SEMA5B: variants seen among roughly 807,000 people sequenced by gnomAD.
SEMA5B encodes the protein semaphorin 5B, also known as semaphorin-5B.
In SEMA5B, 66 loss-of-function variants were observed where a neutral mutation model predicts 135.0. That is an observed-to-expected ratio of 0.49 (90% CI 0.40 to 0.60). The LOEUF is 0.60. Ranked by LOEUF, SEMA5B falls within the 20% of genes least tolerant of loss-of-function variation. The pLI, the probability that SEMA5B is intolerant of heterozygous loss-of-function variation, is 0.00. For missense variants in SEMA5B, 1,501 were observed against 1,566.3 expected (o/e 0.96, Z 0.70); for synonymous variants, 690 against 639.5 (o/e 1.08, Z -1.19).
chr3:123,023,145 T>C (rs1362615216), intron 1 of SEMA5B, among the ~76,000 whole-genome samples: 1 of 152,218 alleles, frequency 6.6e-6, no homozygotes. Flanking sequence ...AGGGCTCAAT[T>C]CTGTCAATTC....
At chr3:123,028,371 GCAAACT>G (rs925654090), upstream of SEMA5B, 10 of 152,352 alleles carry the variant, frequency 6.6e-5, no homozygotes, top group African/African-American at 2.4e-4. Flanking sequence ...GGTTAACCTT[GCAAACT>G]GTACGATACC....
rs748464115 is a variant in SEMA5B at position 122,910,181 on chromosome 3, CG to C, written c.3417del (p.Glu1140ArgfsTer68). Reference sequence around the variant, plus strand: ...AAGCACCGTTGTCCAGGTGAGGCCTCGGGCCGGAAGCTGTGTTTGTTCAGGG... The same window carrying C: ...AAGCACCGTTGTCCAGGTGAGGCCTCGGCCGGAAGCTGTGTTTGTTCAGGG... ...PSPLNKHSFRPEASPGQRCFP... is the reference protein window; with the variant it reads ...PSPLNKHSFRXEASPGQRCFP... On this transcript the variant is annotated frameshift_variant, in exon 23 of 23. Transcript: ENST00000357599. LOFTEE classifies it high-confidence loss of function. 6.2e-7 allele frequency: 1 copy of C among 1,614,172 alleles called. No homozygotes were observed. Among genetic ancestry groups the C allele is most frequent in the Admixed American group, 1.7e-5 (1 of 60,020 alleles).
At chr3:122,963,126 C>T (rs1940659373) in intron 1 of SEMA5B, among the ~76,000 whole-genome samples, 1 of 152,192 alleles carries the variant, frequency 6.6e-6, no homozygotes, top group Non-Finnish European at 1.5e-5. Flanking sequence ...TATTGCTTAC[C>T]TAGCAGGTCA....
rs529753356 is a variant in SEMA5B, at chr3:122,989,008, G to T, written c.-38-27707C>A. Among the ~76,000 whole-genome samples, 4 of 152,380 alleles carry T rather than the reference G, an allele frequency of 2.6e-5. No homozygotes were observed. In the East Asian group the frequency reaches 7.7e-4, roughly 29 times the overall value. Reference sequence around the variant, plus strand: ...TAATCCCACCTGCTGGGGAGGGCCAGTGGGGCTTCTGTTGCTAATTGGCAC... The same window carrying T: ...TAATCCCACCTGCTGGGGAGGGCCATTGGGGCTTCTGTTGCTAATTGGCAC... On this transcript the variant is annotated intron_variant, in intron 1 of 22. Coordinates refer to ENST00000357599, the MANE Select transcript of SEMA5B (RefSeq NM_001031702.4).
At chr3:122,951,892 C>T (rs1385121165) in intron 2 of SEMA5B, among the ~76,000 whole-genome samples, 1 of 152,212 alleles carries the variant, frequency 6.6e-6, no homozygotes, top group Non-Finnish European at 1.5e-5. Context: ...TGGAAAATTA[C>T]AGTAGGATTA....
At chr3:123,016,218 CCT>C (rs1942551943) in intron 1 of SEMA5B, among the ~76,000 whole-genome samples, 1 of 152,184 alleles carries the variant, frequency 6.6e-6, no homozygotes, top group Admixed American at 6.5e-5. Context: ...TACACCCAGA[CCT>C]CTCTTTGAGG....
At position 122,927,887 on chromosome 3, in the gene SEMA5B, C is replaced by A. The variant is rs2276775; in HGVS notation, c.753G>T (p.Thr251=). 3 of 1,595,200 alleles carry A rather than the reference C, an allele frequency of 1.9e-6. No individual in the cohort carries two copies. Among genetic ancestry groups the A allele is most frequent in the Admixed American group, 1.7e-5 (1 of 57,888 alleles). Residue 251 remains threonine, a synonymous_variant, in exon 8 of 23, where the codon ACG becomes ACT. Transcript: ENST00000357599. The part of the protein sequence containing the change: ...ISSQGELYAA[T]VIDFSGRDPA... ...GGTCCCGACCTGAGAAGTCGATGAC[C>A]GTGGCTGCATAGAGCTCCCCCTGGG...
At chr3:122,911,676 C>G in intron 20 of SEMA5B, 141 bp from the exon 21 acceptor site, 1 of 1,001,008 alleles carries the variant, frequency 1.0e-6, no homozygotes, top group South Asian at 1.7e-5. Flanking sequence ...TCATTCCCCT[C>G]CCTCTCTCCT....
At chr3:122,972,885 G>T (rs1044983926) in intron 1 of SEMA5B, among the ~76,000 whole-genome samples, 2 of 152,150 alleles carry the variant, frequency 1.3e-5, no homozygotes, top group Non-Finnish European at 2.9e-5. Flanking sequence ...GTTAGCCCAG[G>T]TCTGCCTTCC....
chr3:122,988,101 G>A (rs1386622968), intron 1 of SEMA5B, among the ~76,000 whole-genome samples: 3 of 152,226 alleles, frequency 2.0e-5, no homozygotes, highest in African/African-American at 7.2e-5. Flanking sequence ...CCCAGCCACA[G>A]AGATCCTGAT....
chr3:122,922,382 C>G lies in SEMA5B; in HGVS notation c.1338G>C (p.Gln446His), dbSNP rs553154567. 2 of 1,612,252 alleles carry G rather than the reference C, an allele frequency of 1.2e-6. No homozygotes were observed. The highest frequency in any genetic ancestry group is 2.2e-5 in the South Asian group (2 of 90,664). The change falls in exon 11 of 23, where the codon CAG (glutamine) becomes CAC (histidine). Residue 446 changes from glutamine to histidine, a missense_variant. Physicochemically the swap from Gln to His is conservative, Grantham distance 24. Coordinates refer to ENST00000357599, the MANE Select transcript of SEMA5B (RefSeq NM_001031702.4). ...CGGCCTCGCTCATCAGGAAGAGGCG[C>G]TGCGCGTCCTGCAGGCTGCGCTCCG... ...NLTERSLQDA[Q>H]RLFLMSEAVQ... is the part of the protein sequence containing the mutation.
intron 10 of SEMA5B, 37 bp from the exon 11 acceptor site, chr3:122,922,484 C>T (rs1026138067): frequency 1.9e-6 from 3 of 1,540,836 alleles, no homozygotes; most frequent in African/African-American, 1.4e-5. Flanking sequence ...GCCCCGGCCA[C>T]CAGGGCTGCC....
chr3:122,927,940 G>A lies in SEMA5B; in HGVS notation c.700C>T (p.Arg234Cys), dbSNP rs780505498. Residue 234 changes from arginine to cysteine, a missense_variant, in exon 8 of 23, where the codon CGC becomes TGC. By Grantham distance (180) the Arg-to-Cys change is radical (BLOSUM62 -3). Coordinates refer to ENST00000357599, the MANE Select transcript of SEMA5B (RefSeq NM_001031702.4). ...GAGATGACAGCTGTGGAGTTGTGGC[G>A]TGGGTCATAGGGGCAGCGGGCCACA... ...NGVARCPYDPRHNSTAVISSQ... is the reference protein window; with the variant it reads ...NGVARCPYDPCHNSTAVISSQ... 3.8e-6 allele frequency: 6 copies of A among 1,588,624 alleles called. No individual in the cohort carries two copies. Among genetic ancestry groups the A allele is most frequent in the Non-Finnish European group, 4.3e-6 (5 of 1,166,640 alleles).
intron 1 of SEMA5B, among the ~76,000 whole-genome samples, chr3:123,007,607 T>C (rs1342915939): frequency 6.6e-6 from 1 of 152,150 alleles, no homozygotes; most frequent in Admixed American, 6.5e-5. Context: ...GGAGGGGAAC[T>C]GGTGGCTCCT....
At position 122,913,689 on chromosome 3, in the gene SEMA5B, C is replaced by CG. The variant is rs749898268; in HGVS notation, c.2133-9dup. ...GTGTTCTCATTACAGAACCTGGGGT[C>CG]GGGGGAGAGGCGTCAATCCAGGGAG... On this transcript the variant is annotated splice_polypyrimidine_tract_variant and intron_variant, in intron 15 of 22. Coordinates refer to ENST00000357599, the MANE Select transcript of SEMA5B (RefSeq NM_001031702.4). 1 of 1,612,748 alleles carries CG rather than the reference C, an allele frequency of 6.2e-7. No homozygotes were observed. The highest frequency in any genetic ancestry group is 2.2e-5 in the East Asian group (1 of 44,860).
chr3:122,993,491 C>A (rs749484116), intron 1 of SEMA5B, among the ~76,000 whole-genome samples: 1 of 152,156 alleles, frequency 6.6e-6, no homozygotes, highest in Non-Finnish European at 1.5e-5. Context: ...TGGTGTAATG[C>A]CCTGGCTTAG....
chr3:123,009,213 T>C (rs1222387783), intron 1 of SEMA5B, among the ~76,000 whole-genome samples: 1 of 152,160 alleles, frequency 6.6e-6, no homozygotes, highest in African/African-American at 2.4e-5. Context: ...CTCTCCACTC[T>C]CTGGAGAGGG....
intron 12 of SEMA5B, among the ~76,000 whole-genome samples, chr3:122,917,727 C>A (rs1489995312): frequency 6.6e-6 from 1 of 151,926 alleles, no homozygotes; most frequent in African/African-American, 2.4e-5. Context: ...ACCCAGGAAT[C>A]CAGAATACTT....
intron 1 of SEMA5B, among the ~76,000 whole-genome samples, chr3:122,971,282 C>T (rs977492090): frequency 6.6e-6 from 1 of 152,240 alleles, no homozygotes; most frequent in African/African-American, 2.4e-5. Context: ...TAACCCAGCA[C>T]CAGTCACATA....
Sources: gnomAD v4.1 joint callset for allele counts (sites outside exome capture counted in the v4.1 genomes callset) on GRCh38, gnomAD v4.1.1 for gene constraint, MANE v1.5 for transcripts, NCBI Gene and HGNC (gene_info 2026-07-23, HGNC 2026-07-21) for gene names.